Variants in CYP2J2 observed in about 807,000 individuals in gnomAD.
The protein encoded by CYP2J2 is cytochrome P450 2J2.
In CYP2J2, 41 loss-of-function variants were observed where a neutral mutation model predicts 48.8. That is an observed-to-expected ratio of 0.84 (90% confidence interval 0.66 to 1.09). The LOEUF (loss-of-function observed/expected upper bound fraction) is 1.09, where lower values mean the gene tolerates loss of function less well. Among genes scored for constraint, CYP2J2 ranks in the 50% least tolerant of loss-of-function variants. The pLI is 0.00. For synonymous variants in CYP2J2, 221 were observed against 227.1 expected, an observed-to-expected ratio of 0.97 and a Z score of 0.24; for missense variants, 644 against 617.3, an observed-to-expected ratio of 1.04 and a Z score of -0.46.
the CYP2J2 span, among the ~76,000 whole-genome samples, chr1:59,937,697 C>G: frequency 3.3e-3 from 500 of 152,206 alleles, 2 homozygotes; most frequent in Non-Finnish European, 5.0e-3. Context: ...GCCAATAACT[C>G]TTAGATTTGC....
the CYP2J2 span, among the ~76,000 whole-genome samples, chr1:59,952,521 A>G: frequency 2.1e-4 from 32 of 152,068 alleles, no homozygotes; most frequent in Admixed American, 1.6e-3. Context: ...TTGGTGTTGG[A>G]GGCAGTGAGG....
At chr1:59,937,743 T>C in the CYP2J2 span, among the ~76,000 whole-genome samples, 1 of 152,142 alleles carries the variant, frequency 6.6e-6, no homozygotes, top group Admixed American at 6.5e-5. Flanking sequence ...TTAGGCATGC[T>C]TTATTGTGTT....
the CYP2J2 span, among the ~76,000 whole-genome samples, chr1:59,937,461 G>GTGT: frequency 3.9e-5 from 6 of 152,004 alleles, no homozygotes; most frequent in African/African-American, 1.4e-4. Context: ...ATTTAAGGGA[G>GTGT]TAATTAGTGT....
At chr1:59,960,156 T>C in the CYP2J2 span, among the ~76,000 whole-genome samples, 1 of 152,006 alleles carries the variant, frequency 6.6e-6, no homozygotes, top group Non-Finnish European at 1.5e-5. Flanking sequence ...ATTTGAAAAT[T>C]GTAGGGAAAA....
At chr1:59,964,683 CTTGCATTTTAAAAGTTCACAGTCTGATT>C in the CYP2J2 span, among the ~76,000 whole-genome samples, 1 of 152,170 alleles carries the variant, frequency 6.6e-6, no homozygotes, top group Non-Finnish European at 1.5e-5. Flanking sequence ...ATATGATAAG[CTTGCATTTTAAAAGTTCACAGTCTGATT>C]AATTTAGTAA....
chr1:59,932,050 GTCA>G, the CYP2J2 span, among the ~76,000 whole-genome samples: 1 of 151,990 alleles, frequency 6.6e-6, no homozygotes, highest in Non-Finnish European at 1.5e-5. Flanking sequence ...TAGTAACTTG[GTCA>G]TCATAACTTT....
intron 8 of CYP2J2, among the ~76,000 whole-genome samples, chr1:59,898,607 T>A (rs1290070336): frequency 1.3e-5 from 2 of 152,240 alleles, no homozygotes; most frequent in Admixed American, 1.3e-4. Context: ...AATTAGTGAA[T>A]CTTAGGCCTT....
Position 59,893,665 on chromosome 1 carries a change from C to A in CYP2J2, c.1495G>T (p.Val499Phe), listed in dbSNP as rs758677753. 1 of 1,605,010 alleles carries A rather than the reference C, an allele frequency of 6.2e-7. No individual in the cohort carries two copies. Among genetic ancestry groups the A allele is most frequent in the East Asian group, 2.2e-5 (1 of 44,780 alleles). Residue 499 changes from valine (V) to phenylalanine (F), a missense_variant, in exon 9 of 9, where the codon GTT (valine) becomes TTT (phenylalanine). By Grantham distance (50) the Val-to-Phe change is conservative (BLOSUM62 -1). Coordinates refer to ENST00000371204, the MANE Select transcript of CYP2J2 (RefSeq NM_000775.4). Reference protein sequence around the residue: ...ISPVSHRLCAVPQV With the variant: ...ISPVSHRLCAFPQV ...TCTTAACAATATTACACCTGAGGAA[C>A]AGCGCAGAGGCGGTGACTGACTGGG... is the stretch of plus-strand genomic sequence containing the variant.
chr1:59,924,980 T>C (rs962832687), intron 1 of CYP2J2, among the ~76,000 whole-genome samples: 37 of 152,208 alleles, frequency 2.4e-4, no homozygotes, highest in African/African-American at 7.9e-4. Flanking sequence ...ATGCACATAC[T>C]AATCAGAAAA....
intron 1 of CYP2J2, among the ~76,000 whole-genome samples, chr1:59,924,613 C>T (rs1417011682): frequency 6.6e-6 from 1 of 152,004 alleles, no homozygotes; most frequent in African/African-American, 2.4e-5. Flanking sequence ...GCTACATCTG[C>T]ATATCGTAAT....
chr1:59,959,015 T>C, the CYP2J2 span, among the ~76,000 whole-genome samples: 2 of 152,166 alleles, frequency 1.3e-5, no homozygotes, highest in Non-Finnish European at 2.9e-5. Flanking sequence ...TATATATTTT[T>C]TGCTTTCCTC....
the CYP2J2 span, among the ~76,000 whole-genome samples, chr1:59,936,651 C>T: frequency 0.011 from 1,698 of 152,236 alleles, 25 homozygotes; most frequent in African/African-American, 0.039. Context: ...GTACCTTGCT[C>T]TATGTTGATT....
chr1:59,894,508 T>C (rs1258821190), intron 8 of CYP2J2, among the ~76,000 whole-genome samples: 2 of 152,210 alleles, frequency 1.3e-5, no homozygotes, highest in African/African-American at 2.4e-5. Flanking sequence ...CTCCCTGTTA[T>C]GTGTGGGTGA....
intron 1 of CYP2J2, 24 bp downstream of exon 1, chr1:59,926,513 C>T (rs1644565601): frequency 6.3e-7 from 1 of 1,597,140 alleles, no homozygotes; most frequent in African/African-American, 1.3e-5. Context: ...TCAGGACACG[C>T]TAGGCACCTT....
At chr1:59,965,587 C>T in the CYP2J2 span, among the ~76,000 whole-genome samples, 1 of 152,188 alleles carries the variant, frequency 6.6e-6, no homozygotes, top group African/African-American at 2.4e-5. Flanking sequence ...GATGAACGCT[C>T]AGTGGATTGA....
intron 1 of CYP2J2, among the ~76,000 whole-genome samples, chr1:59,922,615 T>A (rs1213070401): frequency 6.6e-6 from 1 of 152,000 alleles, no homozygotes; most frequent in Non-Finnish European, 1.5e-5. Flanking sequence ...TTAACCCCTC[T>A]TTTAACACCT....
the CYP2J2 span, among the ~76,000 whole-genome samples, chr1:59,957,681 G>GACAC: frequency 7.3e-5 from 10 of 137,330 alleles, no homozygotes; most frequent in Middle Eastern, 3.6e-3. Flanking sequence ...CAGACACACA[G>GACAC]ACACACACAC....
the CYP2J2 span, among the ~76,000 whole-genome samples, chr1:59,960,834 C>CA: frequency 6.6e-6 from 1 of 152,090 alleles, no homozygotes; most frequent in Non-Finnish European, 1.5e-5. Flanking sequence ...AGCAAGACTC[C>CA]ATCATCTTAA....
intron 6 of CYP2J2, among the ~76,000 whole-genome samples, chr1:59,906,016 C>T (rs1444330686): frequency 6.6e-6 from 1 of 152,140 alleles, no homozygotes; most frequent in Non-Finnish European, 1.5e-5. Context: ...GAAATCCCAT[C>T]TCTACTAAAA....
Sources: allele counts gnomAD v4.1 joint callset (sites outside exome capture counted in the v4.1 genomes callset), GRCh38; gene constraint gnomAD v4.1.1; transcripts MANE v1.5; gene names NCBI Gene and HGNC (gene_info 2026-07-23, HGNC 2026-07-21).